The following ESRRG variants were observed in gnomAD, a reference collection of about 807,000 sequenced individuals.
ESRRG encodes the protein estrogen related receptor gamma.
A neutral mutation model predicts 44.0 loss-of-function variants in ESRRG; 13 were observed. The ratio of observed to expected loss-of-function variants is 0.30; its 90% CI spans 0.19 to 0.47. The LOEUF is 0.47. Ranked by LOEUF, ESRRG falls within the 20% of genes least tolerant of loss-of-function variation. ESRRG has a pLI of 1.00. For missense variants in ESRRG, 395 were observed against 580.6 expected, an observed-to-expected ratio of 0.68 and a Z score of 3.29; for synonymous variants, 215 against 214.6, an observed-to-expected ratio of 1.00 and a Z score of -0.02.
intron 2 of ESRRG, among the ~76,000 whole-genome samples, chr1:216,756,989 T>C (rs554658440): frequency 7.9e-5 from 12 of 152,066 alleles, no homozygotes; most frequent in Non-Finnish European, 1.6e-4. Context: ...AGGTGGGAGA[T>C]GCCAGTATAC....
In ESRRG at chr1:217,004,913, T is replaced by C. The variant is rs183811921; in HGVS notation, c.-105-65240A>G. ...TTGGACTTTTTACTACCAAGGACACTTGATACCTTTTAGTGGTTTCCCCCA... is the reference window on the plus strand; with the variant it reads ...TTGGACTTTTTACTACCAAGGACACCTGATACCTTTTAGTGGTTTCCCCCA... On this transcript the variant is annotated intron_variant, in intron 1 of 7. Coordinates refer to the ESRRG transcript ENST00000359162. Among the ~76,000 whole-genome samples, 227 of 152,252 alleles carry C rather than the reference T, an allele frequency of 1.5e-3. 3 individuals carry two copies. Among genetic ancestry groups the C allele is most frequent in the Middle Eastern group, 3.4e-3 (1 of 294 alleles).
chr1:216,817,196 T>C (rs17649784), intron 2 of ESRRG, among the ~76,000 whole-genome samples: 4,508 of 152,244 alleles, frequency 0.03, 82 homozygotes, highest in Middle Eastern at 0.061. Flanking sequence ...GGAAATGAAC[T>C]CTTCTCCTTT....
rs754777146 is a variant in ESRRG, at chr1:216,614,221, G to A, written c.589+36752C>T. Reference sequence around the variant, plus strand: ...TTGTGGCGGAGATGGAGGGCCTTCCGCTCCCATTCCCGCACTTACAGATCA... The same window carrying A: ...TTGTGGCGGAGATGGAGGGCCTTCCACTCCCATTCCCGCACTTACAGATCA... On this transcript the variant is annotated intron_variant, in intron 3 of 6. Transcript: ENST00000408911. Among the ~76,000 whole-genome samples, 68 of 152,286 alleles carry A rather than the reference G, an allele frequency of 4.5e-4. 2 individuals are homozygous for A. The highest frequency in any genetic ancestry group is 7.2e-4 in the Non-Finnish European group (49 of 68,022).
intron 1 of ESRRG, among the ~76,000 whole-genome samples, chr1:216,687,956 G>T (rs2078328504): frequency 6.6e-6 from 1 of 151,954 alleles, no homozygotes; most frequent in Non-Finnish European, 1.5e-5. Flanking sequence ...AATAACTTTG[G>T]TAATTAGGTG....
At chr1:216,863,195 AAC>A (rs2096082452) in intron 2 of ESRRG, 1 of 152,156 alleles carries the variant, frequency 6.6e-6, no homozygotes, top group South Asian at 2.1e-4. Context: ...CTGCATTTCT[AAC>A]AGGCTCTCTG....
chr1:216,857,783 G>C (rs1041163883), intron 2 of ESRRG, among the ~76,000 whole-genome samples: 1 of 148,428 alleles, frequency 6.7e-6, no homozygotes, highest in African/African-American at 2.5e-5. Context: ...CACCAAAAAT[G>C]ACACGCCCAT....
chr1:216,745,633 T>C (rs11117669), intron 2 of ESRRG, among the ~76,000 whole-genome samples: 24,354 of 152,120 alleles, frequency 0.16, 1,970 homozygotes, highest in Middle Eastern at 0.24. Flanking sequence ...TCTCAATGCG[T>C]GTATTCAATG....
chr1:216,568,006 G>C lies in ESRRG; in HGVS notation c.682C>G (p.Gln228Glu), dbSNP rs1247182076. ...TACTTACATGGCTTTTTGGCTGGCT[G>C]AACCAGCTGAGGGTTCAGGTATGGG... Reference protein sequence around the residue: ...NSPYLNPQLVQPAKKPYNKIV... With the variant: ...NSPYLNPQLVEPAKKPYNKIV... The change falls in exon 4 of 7, where the codon CAG (glutamine) becomes GAG (glutamate). Residue 228 changes from glutamine to glutamate, a missense_variant. Coordinates refer to ENST00000408911, the MANE Select transcript of ESRRG (RefSeq NM_001438.4). 6.2e-7 allele frequency: 1 copy of C among 1,612,834 alleles called. No individual in the cohort carries two copies.
chr1:216,608,595 G>A (rs906353978), intron 3 of ESRRG, among the ~76,000 whole-genome samples: 4 of 152,162 alleles, frequency 2.6e-5, no homozygotes, highest in African/African-American at 9.7e-5. Context: ...CATGGAATGT[G>A]TGGATATTCT....
intron 2 of ESRRG, among the ~76,000 whole-genome samples, chr1:216,840,906 G>A (rs1379060449): frequency 6.6e-6 from 1 of 152,070 alleles, no homozygotes; most frequent in South Asian, 2.1e-4. Context: ...CACCATACAA[G>A]ATATAATAAT....
rs115287866 is a variant in ESRRG at position 216,861,242 on chromosome 1, A to G, written c.-14+78340T>C. ...AAAAATGCTAGATTTAAACTTAACCATATCAATAAACACATTAAATAAAAG... is the reference window on the plus strand; with the variant it reads ...AAAAATGCTAGATTTAAACTTAACCGTATCAATAAACACATTAAATAAAAG... On this transcript the variant is annotated intron_variant, in intron 2 of 7. Coordinates refer to the ESRRG transcript ENST00000359162. 8.4e-3 allele frequency among the ~76,000 whole-genome samples: 1,279 copies of G among 152,202 alleles called. 22 individuals are homozygous for G. Among genetic ancestry groups the G allele is most frequent in the African/African-American group, 0.029 (1,196 of 41,590 alleles).
Position 216,541,561 on chromosome 1 carries a change from AGTGTGTGTGTGTGT to A in ESRRG, c.863-22154_863-22141del, listed in dbSNP as rs34245595. ...GCTCAGCTATTTGAGTCTTTTGGTTAGTGTGTGTGTGTGTGTGTGTGTGTGTGTGTGTGTGTGTG... is the reference window on the plus strand; with the variant it reads ...GCTCAGCTATTTGAGTCTTTTGGTTAGTGTGTGTGTGTGTGTGTGTGTGTG... On this transcript the variant is annotated intron_variant, in intron 5 of 6. Coordinates refer to ENST00000408911, the MANE Select transcript of ESRRG (RefSeq NM_001438.4). 2.6e-3 allele frequency among the ~76,000 whole-genome samples: 338 copies of A among 130,416 alleles called. 2 individuals carry two copies. The highest frequency in any genetic ancestry group is 0.025 in the Middle Eastern group (6 of 242). The allele number at this position is 130,416 out of a possible 152,430, so 85.6% of individuals were successfully genotyped here. A position where few individuals can be genotyped will look rare whatever the true frequency, so the allele number is the denominator to read the frequency against.
At chr1:216,622,132 C>A (rs1222652610) in intron 3 of ESRRG, among the ~76,000 whole-genome samples, 18 of 152,184 alleles carry the variant, frequency 1.2e-4, no homozygotes, top group Non-Finnish European at 1.5e-5. Context: ...CTGCCTTTTA[C>A]AAAAACTTGA....
At chr1:217,021,982 A>T (rs2080393935) in intron 1 of ESRRG, among the ~76,000 whole-genome samples, 1 of 152,150 alleles carries the variant, frequency 6.6e-6, no homozygotes, top group South Asian at 2.1e-4. Flanking sequence ...TACTGCAAAA[A>T]GTTGTTAAGT....
At chr1:216,561,063 G>T (rs2058634327) in intron 5 of ESRRG, among the ~76,000 whole-genome samples, 1 of 151,778 alleles carries the variant, frequency 6.6e-6, no homozygotes, top group Non-Finnish European at 1.5e-5. Flanking sequence ...GATAAAGTAT[G>T]GTCATGTTTC....
At chr1:216,693,864 T>A (rs2820884) in intron 1 of ESRRG, among the ~76,000 whole-genome samples, 120,494 of 152,152 alleles carry the variant, frequency 0.79, 47,755 homozygotes, top group Admixed American at 0.81. Context: ...GTTCCTGGGT[T>A]GTTGAGTAAA....
At chr1:216,842,971 T>C (rs1419123607) in intron 2 of ESRRG, among the ~76,000 whole-genome samples, 1 of 152,144 alleles carries the variant, frequency 6.6e-6, no homozygotes, top group African/African-American at 2.4e-5. Flanking sequence ...CATCAAAATA[T>C]TAGTGACTGT....
At chr1:216,985,605 T>C (rs1560368916) in intron 1 of ESRRG, among the ~76,000 whole-genome samples, 1 of 152,232 alleles carries the variant, frequency 6.6e-6, no homozygotes, top group East Asian at 1.9e-4. Context: ...TCACCTCTTC[T>C]ATATTGTGTA....
At chr1:216,524,971 C>G (rs1022317273) in intron 5 of ESRRG, among the ~76,000 whole-genome samples, 62 of 152,304 alleles carry the variant, frequency 4.1e-4, no homozygotes, top group African/African-American at 1.5e-3. Flanking sequence ...ACTGACTACT[C>G]ATGCTGATTA....
Sources: gnomAD v4.1 joint callset for allele counts (sites outside exome capture counted in the v4.1 genomes callset) on GRCh38, gnomAD v4.1.1 for gene constraint, MANE v1.5 for transcripts, NCBI Gene and HGNC (gene_info 2026-07-23, HGNC 2026-07-21) for gene names.